The following HEATR5B variants were observed in gnomAD, a reference collection of about 807,000 sequenced individuals.
HEATR5B encodes the protein HEAT repeat containing 5B.
HEATR5B carries 156 observed loss-of-function variants against 224.1 expected under a neutral mutation model. The observed-to-expected ratio is 0.70, with a 90% confidence interval of 0.61 to 0.80. The LOEUF (loss-of-function observed/expected upper bound fraction) is 0.80. Among genes scored for constraint, HEATR5B ranks in the 30% least tolerant of loss-of-function variants. The probability of loss-of-function intolerance (pLI) is 0.00; values close to 1 mark genes in which losing one functional copy is unlikely to be tolerated. For missense variants in HEATR5B, 2,323 were observed against 2,535.5 expected (o/e 0.92, Z 1.80); for synonymous variants, 1,027 against 893.0 (o/e 1.15, Z -2.68).
intron 8 of HEATR5B, 152 bp downstream of exon 8, chr2:37,068,529 T>C (rs1671717747): frequency 1.3e-6 from 1 of 789,010 alleles, no homozygotes; most frequent in Non-Finnish European, 2.0e-6. Context: ...TGTAATTATG[T>C]GATTTTAATA....
chr2:37,040,047 T>C (rs1669777687), intron 20 of HEATR5B, among the ~76,000 whole-genome samples: 1 of 152,240 alleles, frequency 6.6e-6, no homozygotes, highest in Non-Finnish European at 1.5e-5. Context: ...AAAGGAACTC[T>C]ATTATTAACT....
At position 37,032,559 on chromosome 2, in the gene HEATR5B, A is replaced by G; in HGVS notation, c.3361+70T>C. 2.3e-6 allele frequency: 3 copies of G among 1,278,240 alleles called. No individual in the cohort carries two copies. The South Asian group carries it at 4.3e-5, about 18-fold the overall frequency. 79.2% of individuals were successfully genotyped at this position (1,278,240 alleles called of 1,614,324 possible). On this transcript the variant is annotated intron_variant, in intron 22 of 35. Coordinates refer to ENST00000233099, the MANE Select transcript of HEATR5B (RefSeq NM_019024.3). ...CATTGCAACAGAAAAATGTTATTTG[A>G]TAAATAGTACTTAACTGAAATGTAA...
intron 33 of HEATR5B, among the ~76,000 whole-genome samples, chr2:36,991,495 CAAAAA>C (rs56351937): frequency 2.0e-5 from 2 of 101,324 alleles, no homozygotes; most frequent in African/African-American, 3.4e-5. Context: ...AACTCTGTCT[CAAAAA>C]AAAAAAAAAA....
chr2:37,035,499 T>G (rs1463649749), intron 21 of HEATR5B, among the ~76,000 whole-genome samples: 1 of 152,208 alleles, frequency 6.6e-6, no homozygotes, highest in African/African-American at 2.4e-5. Flanking sequence ...ATAGTAAGTA[T>G]AGCAAATCTT....
chr2:37,024,408 T>C (rs1668644487), intron 24 of HEATR5B, among the ~76,000 whole-genome samples: 1 of 152,200 alleles, frequency 6.6e-6, no homozygotes, highest in African/African-American at 2.4e-5. Flanking sequence ...CACACAAAAA[T>C]GATAACTAGG....
intron 35 of HEATR5B, among the ~76,000 whole-genome samples, chr2:36,987,094 T>C (rs554335660): frequency 6.6e-6 from 1 of 152,098 alleles, no homozygotes; most frequent in South Asian, 2.1e-4. Flanking sequence ...TCTCCAGTCA[T>C]TTCACTCTTA....
intron 16 of HEATR5B, among the ~76,000 whole-genome samples, chr2:37,054,776 C>T (rs1313371751): frequency 6.6e-6 from 1 of 152,178 alleles, no homozygotes; most frequent in East Asian, 1.9e-4. Flanking sequence ...AGCCACAACG[C>T]CCGGCCCATT....
intron 12 of HEATR5B, 23 bp downstream of exon 12, chr2:37,060,558 A>G (rs199892855): frequency 2.5e-5 from 40 of 1,576,302 alleles, no homozygotes; most frequent in Non-Finnish European, 4.3e-6. Flanking sequence ...AATATTGTGA[A>G]GCACAATCCT....
At chr2:37,009,256 CAAAA>C (rs57022846) in intron 27 of HEATR5B, among the ~76,000 whole-genome samples, 3 of 65,678 alleles carry the variant, frequency 4.6e-5, no homozygotes, top group African/African-American at 5.5e-5. Context: ...GACTCTGTCT[CAAAA>C]AAAAAAAAAA....
chr2:37,073,082 T>C (rs758081660), intron 5 of HEATR5B, among the ~76,000 whole-genome samples: 2 of 152,194 alleles, frequency 1.3e-5, no homozygotes, highest in Non-Finnish European at 1.5e-5. Context: ...TGAAGGGAAC[T>C]TTCCAACTAA....
At chr2:36,994,460 C>T (rs1666550188) in intron 33 of HEATR5B, among the ~76,000 whole-genome samples, 3 of 152,106 alleles carry the variant, frequency 2.0e-5, no homozygotes, top group African/African-American at 7.2e-5. Flanking sequence ...AATGGAAATA[C>T]TCTATTATAA....
At chr2:37,039,552 C>A (rs1348331629) in intron 20 of HEATR5B, among the ~76,000 whole-genome samples, 1 of 152,186 alleles carries the variant, frequency 6.6e-6, no homozygotes, top group Non-Finnish European at 1.5e-5. Flanking sequence ...AAGTTCTTAA[C>A]CTCTCTCAGA....
chr2:37,045,422 C>T (rs1670126842), intron 18 of HEATR5B, among the ~76,000 whole-genome samples: 1 of 152,090 alleles, frequency 6.6e-6, no homozygotes, highest in African/African-American at 2.4e-5. Context: ...TGCTTTTAAG[C>T]TTTTTTAGGG....
At chr2:37,008,479 C>G in intron 28 of HEATR5B, 132 bp downstream of exon 28, 1 of 679,610 alleles carries the variant, frequency 1.5e-6, no homozygotes, top group Non-Finnish European at 2.6e-6. Context: ...CTAACTGAGA[C>G]AACATCAAAC....
chr2:37,075,651 A>G lies in HEATR5B; in HGVS notation c.448-17T>C, dbSNP rs1255691465. 1.3e-6 allele frequency: 2 copies of G among 1,582,724 alleles called. No individual in the cohort carries two copies. Among genetic ancestry groups the G allele is most frequent in the South Asian group, 2.3e-5 (2 of 86,838 alleles). On this transcript the variant is annotated splice_polypyrimidine_tract_variant and intron_variant, in intron 4 of 35. Transcript: ENST00000233099. ...CCCTTGAGACTAGACATGTATACAA[A>G]ACAAAACTATTTTGTAAAATAAATT...
intron 20 of HEATR5B, among the ~76,000 whole-genome samples, chr2:37,038,387 G>A (rs1293686764): frequency 6.6e-6 from 1 of 151,974 alleles, no homozygotes; most frequent in East Asian, 1.9e-4. Flanking sequence ...TGATCCACCC[G>A]CCGTGGCCTC....
intron 33 of HEATR5B, among the ~76,000 whole-genome samples, chr2:36,993,262 T>C (rs1666458962): frequency 6.6e-6 from 1 of 151,960 alleles, no homozygotes; most frequent in Non-Finnish European, 1.5e-5. Flanking sequence ...CCGGGTGCAG[T>C]GGCTCATGCC....
chr2:37,080,304 C>T (rs1008923348), intron 2 of HEATR5B, among the ~76,000 whole-genome samples: 4 of 152,090 alleles, frequency 2.6e-5, no homozygotes, highest in Admixed American at 6.5e-5. Flanking sequence ...AGAGGAGGGT[C>T]GTGATCTAAA....
At chr2:36,995,302 C>T (rs1004766319) in intron 33 of HEATR5B, among the ~76,000 whole-genome samples, 1 of 151,846 alleles carries the variant, frequency 6.6e-6, no homozygotes, top group African/African-American at 2.4e-5. Context: ...TATTGGCCAG[C>T]CTGGTCTCGA....
Sources: gnomAD v4.1 joint callset for allele counts (sites outside exome capture counted in the v4.1 genomes callset) on GRCh38, gnomAD v4.1.1 for gene constraint, MANE v1.5 for transcripts, NCBI Gene and HGNC (gene_info 2026-07-23, HGNC 2026-07-21) for gene names.